The following KALRN variants were observed in gnomAD, a reference collection of about 807,000 sequenced individuals.
The protein encoded by KALRN is kalirin RhoGEF kinase.
KALRN carries 70 observed loss-of-function variants against 353.7 expected under a neutral mutation model. That is an observed-to-expected ratio of 0.20 (90% CI 0.16 to 0.24). The LOEUF is 0.24. Among genes scored for constraint, KALRN ranks in the 10% least tolerant of loss-of-function variants. KALRN has a pLI of 1.00. For synonymous variants in KALRN, 1,391 were observed against 1,434.8 expected, an observed-to-expected ratio of 0.97 and a Z score of 0.69; for missense variants, 2,791 against 3,756.7, an observed-to-expected ratio of 0.74 and a Z score of 6.72.
chr3:124,667,044 CA>C lies in KALRN; in HGVS notation c.6566del (p.Asn2189MetfsTer9). 6.2e-7 allele frequency: 1 copy of C among 1,613,448 alleles called. No homozygotes were observed. The highest frequency in any genetic ancestry group is 8.5e-7 in the Non-Finnish European group (1 of 1,179,512). ...ACTTGGTCCTGGAGGAGAATGTGGACAATGATCCCTGCAAGTTTGCACTCAT... is the reference window on the plus strand; with the variant it reads ...ACTTGGTCCTGGAGGAGAATGTGGACATGATCCCTGCAAGTTTGCACTCAT... Reference protein sequence around the residue: ...NYLVLEENVDNDPCKFALMNR... With the variant: ...NYLVLEENVDXDPCKFALMNR... On this transcript the variant is annotated frameshift_variant, in exon 47 of 60. Coordinates refer to ENST00000682506, the MANE Select transcript of KALRN (RefSeq NM_001388419.1). LOFTEE classifies it high-confidence loss of function.
chr3:124,112,142 A>G (rs1300422069), intron 1 of KALRN, among the ~76,000 whole-genome samples: 8 of 152,078 alleles, frequency 5.3e-5, no homozygotes, highest in African/African-American at 1.9e-4. Flanking sequence ...GCCTCTACCA[A>G]AAACACAAAA....
At chr3:124,646,767 T>A (rs1406713875) in intron 37 of KALRN, among the ~76,000 whole-genome samples, 2 of 151,852 alleles carry the variant, frequency 1.3e-5, no homozygotes, top group East Asian at 3.9e-4. Context: ...TTCAAAAAAA[T>A]TTGGAAAAAT....
At chr3:124,528,120 C>T (rs1386850965) in intron 33 of KALRN, among the ~76,000 whole-genome samples, 1 of 152,136 alleles carries the variant, frequency 6.6e-6, no homozygotes, top group Non-Finnish European at 1.5e-5. Flanking sequence ...GCAGACTGTA[C>T]AGTCCCTCCA....
chr3:124,419,895 T>C (rs1336596173), intron 14 of KALRN, among the ~76,000 whole-genome samples: 1 of 152,206 alleles, frequency 6.6e-6, no homozygotes, highest in Admixed American at 6.5e-5. Context: ...ATCAATAGAT[T>C]GAGAGCAGTA....
chr3:124,151,904 A>G (rs2068160794), intron 1 of KALRN: 4 of 631,320 alleles, frequency 6.3e-6, no homozygotes, highest in Non-Finnish European at 1.1e-5. Context: ...ATTCAATTTG[A>G]GAGCAGGTAC....
At chr3:124,454,926 T>C (rs949466549) in intron 21 of KALRN, among the ~76,000 whole-genome samples, 1 of 152,138 alleles carries the variant, frequency 6.6e-6, no homozygotes, top group Non-Finnish European at 1.5e-5. Context: ...CTGGAACAAG[T>C]TCCCCCCACC....
At chr3:124,122,790 A>T (rs2064179418) in intron 1 of KALRN, among the ~76,000 whole-genome samples, 1 of 152,184 alleles carries the variant, frequency 6.6e-6, no homozygotes, top group African/African-American at 2.4e-5. Context: ...TATTGAAATT[A>T]GGCCAATTGA....
At chr3:124,458,686 G>C (rs912038909) in intron 23 of KALRN, among the ~76,000 whole-genome samples, 1 of 152,136 alleles carries the variant, frequency 6.6e-6, no homozygotes, top group Non-Finnish European at 1.5e-5. Context: ...CTGTAACTTT[G>C]GGGGGCTGAG....
intron 1 of KALRN, among the ~76,000 whole-genome samples, chr3:124,082,921 C>T (rs1477442190): frequency 1.3e-5 from 2 of 152,244 alleles, no homozygotes; most frequent in Non-Finnish European, 2.9e-5. Flanking sequence ...TCCAGTTAAA[C>T]AGACCTATCC....
chr3:124,035,439 C>G (rs916910969), intron 1 of KALRN, among the ~76,000 whole-genome samples: 6 of 152,156 alleles, frequency 3.9e-5, no homozygotes, highest in Admixed American at 3.9e-4. Context: ...TGCCTCCCAA[C>G]TGGGGCAAAA....
intron 34 of KALRN, chr3:124,584,735 C>A (rs2074960838): frequency 2.7e-6 from 4 of 1,507,660 alleles, no homozygotes; most frequent in South Asian, 1.3e-5. Flanking sequence ...GGCTCTCGGG[C>A]GGCGGCGCTG....
intron 33 of KALRN, among the ~76,000 whole-genome samples, chr3:124,556,944 A>G (rs190373216): frequency 1.3e-5 from 2 of 152,200 alleles, no homozygotes; most frequent in African/African-American, 2.4e-5. Context: ...CTCTTAAAAA[A>G]TTTTTTACTT....
At chr3:124,105,028 G>A (rs2062169568) in intron 1 of KALRN, among the ~76,000 whole-genome samples, 1 of 152,166 alleles carries the variant, frequency 6.6e-6, no homozygotes, top group African/African-American at 2.4e-5. Flanking sequence ...ATAAGAGCCT[G>A]GTGCTGGTCA....
At chr3:124,057,034 A>T (rs567387328) in intron 1 of KALRN, among the ~76,000 whole-genome samples, 2 of 152,364 alleles carry the variant, frequency 1.3e-5, no homozygotes, top group Non-Finnish European at 2.9e-5. Context: ...CCCCAGAGTT[A>T]TCCATGTTGG....
At chr3:124,456,319 C>G (rs759068663) in intron 22 of KALRN, among the ~76,000 whole-genome samples, 1 of 152,046 alleles carries the variant, frequency 6.6e-6, no homozygotes, top group Non-Finnish European at 1.5e-5. Context: ...TTAATTAGGA[C>G]CAAAGGCCTT....
intron 13 of KALRN, among the ~76,000 whole-genome samples, chr3:124,403,551 A>T (rs535964453): frequency 6.6e-6 from 1 of 152,196 alleles, no homozygotes; most frequent in African/African-American, 2.4e-5. Flanking sequence ...TTCTAAATCT[A>T]TGGGGTTCAT....
intron 5 of KALRN, among the ~76,000 whole-genome samples, chr3:124,281,250 C>G (rs970672941): frequency 6.6e-6 from 1 of 152,142 alleles, no homozygotes; most frequent in Non-Finnish European, 1.5e-5. Flanking sequence ...GCTATAGGAA[C>G]AACTGCTGAT....
chr3:124,152,081 A>T (rs181587469), intron 1 of KALRN: 2 of 1,286,122 alleles, frequency 1.6e-6, no homozygotes, highest in Non-Finnish European at 2.2e-6. Context: ...AAAGGGCCAC[A>T]GGAAGTTATT....
intron 3 of KALRN, among the ~76,000 whole-genome samples, chr3:124,239,174 G>T (rs953980873): frequency 6.6e-6 from 1 of 152,164 alleles, no homozygotes; most frequent in Non-Finnish European, 1.5e-5. Context: ...GATGTGATCA[G>T]CTGATGAATG....
Sources: allele counts gnomAD v4.1 joint callset (sites outside exome capture counted in the v4.1 genomes callset), GRCh38; gene constraint gnomAD v4.1.1; transcripts MANE v1.5; gene names NCBI Gene and HGNC (gene_info 2026-07-23, HGNC 2026-07-21).